ANAPC4: variants seen among roughly 807,000 people sequenced by gnomAD.
ANAPC4 encodes anaphase promoting complex subunit 4.
Under a neutral mutation model 119.8 loss-of-function variants are expected in ANAPC4, and 63 were observed. The observed-to-expected ratio is 0.53, with a 90% CI of 0.43 to 0.65. ANAPC4 has a LOEUF of 0.65. Ranked by LOEUF, ANAPC4 falls within the 30% of genes least tolerant of loss-of-function variation. The pLI, the probability that ANAPC4 is intolerant of heterozygous loss-of-function variation, is 0.00. For missense variants in ANAPC4, 716 were observed against 945.1 expected (o/e 0.76, Z 3.18); for synonymous variants, 283 against 318.6 (o/e 0.89, Z 1.19).
chr4:25,391,248 A>G (rs1368464197), intron 9 of ANAPC4, among the ~76,000 whole-genome samples: 1 of 152,234 alleles, frequency 6.6e-6, no homozygotes, highest in East Asian at 1.9e-4. Context: ...ATTAATGACC[A>G]TATTAATTTG....
At chr4:25,379,854 T>C (rs1221049028) in intron 2 of ANAPC4, among the ~76,000 whole-genome samples, 2 of 152,066 alleles carry the variant, frequency 1.3e-5, no homozygotes, top group African/African-American at 2.4e-5. Flanking sequence ...TTACTGTCAA[T>C]GGTTGTATAG....
intron 16 of ANAPC4, among the ~76,000 whole-genome samples, chr4:25,399,175 G>A (rs375006606): frequency 2.0e-4 from 30 of 152,106 alleles, no homozygotes; most frequent in African/African-American, 4.8e-4. Context: ...ACTTTAGTGC[G>A]TATTTTCTAA....
At chr4:25,385,357 A>G (rs945841402) in intron 4 of ANAPC4, among the ~76,000 whole-genome samples, 3 of 152,236 alleles carry the variant, frequency 2.0e-5, no homozygotes, top group African/African-American at 7.2e-5. Flanking sequence ...TTCCAATAAA[A>G]GGCTGTTCTT....
chr4:25,394,779 G>A, intron 13 of ANAPC4, 50 bp from the exon 14 acceptor site: 4 of 1,591,248 alleles, frequency 2.5e-6, no homozygotes, highest in Non-Finnish European at 2.6e-6. Context: ...TTTTCGAGTG[G>A]CATATAATAT....
At chr4:25,414,175 C>T in intron 22 of ANAPC4, 149 bp from the exon 23 acceptor site, 1 of 572,256 alleles carries the variant, frequency 1.7e-6, no homozygotes, top group South Asian at 3.1e-5. Flanking sequence ...CTTACTGTTA[C>T]AATTGTCATT....
chr4:25,409,357 T>A (rs7663274), intron 20 of ANAPC4, among the ~76,000 whole-genome samples: 3 of 151,996 alleles, frequency 2.0e-5, no homozygotes, highest in Non-Finnish European at 4.4e-5. Flanking sequence ...TAATACTTTG[T>A]GGTTTGTTTA....
At chr4:25,388,277 G>A (rs1314929306) in intron 4 of ANAPC4, among the ~76,000 whole-genome samples, 4 of 149,488 alleles carry the variant, frequency 2.7e-5, no homozygotes, top group East Asian at 3.9e-4. Context: ...TAAATGTAAC[G>A]TGTGCAGGCT....
At chr4:25,414,745 T>C in intron 25 of ANAPC4, 45 bp downstream of exon 25, 2 of 1,418,280 alleles carry the variant, frequency 1.4e-6, no homozygotes, top group Non-Finnish European at 1.9e-6. Context: ...AAGATTTTAT[T>C]ATTTGTAAGA....
At chr4:25,413,764 G>A (rs938774953) in intron 22 of ANAPC4, 22 bp downstream of exon 22, 1 of 1,567,180 alleles carries the variant, frequency 6.4e-7, no homozygotes, top group Non-Finnish European at 8.8e-7. Flanking sequence ...AGAAATGCAT[G>A]TCTTTGTGTA....
At chr4:25,377,605 G>A (rs1442341773) in intron 2 of ANAPC4, 49 bp downstream of exon 2, 4 of 1,520,464 alleles carry the variant, frequency 2.6e-6, no homozygotes, top group South Asian at 2.6e-5. Flanking sequence ...CTCCCGGGGG[G>A]CCCAAGAACA....
chr4:25,411,691 T>C (rs923882146), intron 21 of ANAPC4, among the ~76,000 whole-genome samples: 2 of 152,204 alleles, frequency 1.3e-5, no homozygotes, highest in Admixed American at 6.5e-5. Flanking sequence ...ATGGTAATAA[T>C]GCTGCCCTCA....
intron 2 of ANAPC4, among the ~76,000 whole-genome samples, 163 bp downstream of exon 2, chr4:25,377,719 C>T (rs1352844479): frequency 1.3e-5 from 2 of 152,236 alleles, no homozygotes; most frequent in African/African-American, 4.8e-5. Flanking sequence ...CCTCCCAGGA[C>T]GGCAGTAAAC....
intron 4 of ANAPC4, among the ~76,000 whole-genome samples, chr4:25,384,096 T>C (rs143883331): frequency 2.0e-5 from 3 of 152,374 alleles, no homozygotes; most frequent in African/African-American, 4.8e-5. Context: ...TGGAATATTC[T>C]AAATCCTTTG....
At position 25,380,450 on chromosome 4, in the gene ANAPC4, C is replaced by A; in HGVS notation, c.206C>A (p.Thr69Lys). Residue 69 changes from threonine (T) to lysine (K), a missense_variant, in exon 3 of 29, where the codon ACG (threonine) becomes AAG (lysine). Physicochemically the swap from Thr to Lys is moderately conservative, Grantham distance 78. Around this residue, in one of 3 missense-constraint regions of ANAPC4, gnomAD observed 202 missense variants for 293.5 expected, o/e 0.69. Coordinates refer to ENST00000315368, the MANE Select transcript of ANAPC4 (RefSeq NM_013367.3). ...PPNENTGKEV[T>K]CLAWRPDGKL... Reference sequence around the variant, plus strand: ...AATGAAAATACAGGAAAGGAGGTGACGTGTCTGGCATGGAGACCAGATGGC... The same window carrying A: ...AATGAAAATACAGGAAAGGAGGTGAAGTGTCTGGCATGGAGACCAGATGGC... 6.2e-7 allele frequency: 1 copy of A among 1,612,170 alleles called. No homozygotes were observed. The highest frequency in any genetic ancestry group is 2.2e-5 in the East Asian group (1 of 44,854).
At chr4:25,383,169 T>C (rs1274097299) in intron 3 of ANAPC4, 92 bp from the exon 4 acceptor site, 2 of 1,270,242 alleles carry the variant, frequency 1.6e-6, no homozygotes, top group African/African-American at 3.0e-5. Flanking sequence ...GAAGATGCAC[T>C]TAAAAGAGTA....
intron 16 of ANAPC4, among the ~76,000 whole-genome samples, chr4:25,402,353 T>C (rs1327558967): frequency 6.6e-6 from 1 of 152,214 alleles, no homozygotes; most frequent in East Asian, 1.9e-4. Flanking sequence ...GTTTAAAAAG[T>C]GATAACCCAT....
At chr4:25,396,615 C>A in intron 14 of ANAPC4, 49 bp from the exon 15 acceptor site, 2 of 1,301,016 alleles carry the variant, frequency 1.5e-6, no homozygotes, top group Non-Finnish European at 2.1e-6. Flanking sequence ...GCAAGTTAGT[C>A]ACTTGATGAT....
At chr4:25,417,999 TAC>T in intron 28 of ANAPC4, 154 bp from the exon 29 acceptor site, 1 of 887,892 alleles carries the variant, frequency 1.1e-6, no homozygotes, top group Non-Finnish European at 1.7e-6. Flanking sequence ...GATCTTTTTA[TAC>T]AAAATGAAGG....
intron 20 of ANAPC4, 33 bp from the exon 21 acceptor site, chr4:25,409,665 A>C: frequency 6.7e-7 from 1 of 1,500,924 alleles, no homozygotes; most frequent in African/African-American, 1.4e-5. Context: ...TCCAGGTATG[A>C]ATAAACTTAA....
Sources: allele counts gnomAD v4.1 joint callset (sites outside exome capture counted in the v4.1 genomes callset), GRCh38; gene constraint gnomAD v4.1.1; regional missense constraint gnomAD v4.1.1; transcripts MANE v1.5; gene names NCBI Gene and HGNC (gene_info 2026-07-23, HGNC 2026-07-21).